RBBP6: variants seen among roughly 807,000 people sequenced by gnomAD.
RBBP6 encodes the protein E3 ubiquitin-protein ligase RBBP6.
A neutral mutation model predicts 167.7 loss-of-function variants in RBBP6; 25 were observed. The ratio of observed to expected loss-of-function variants is 0.15; its 90% CI spans 0.11 to 0.21. The LOEUF is 0.21. Ranked by LOEUF, RBBP6 falls within the 10% of genes least tolerant of loss-of-function variation. The pLI is 1.00. For synonymous variants in RBBP6, 789 were observed against 735.8 expected (o/e 1.07, Z -1.17); for missense variants, 1,868 against 2,134.2 (o/e 0.88, Z 2.46).
chr16:24,548,495 T>A (rs573391720), intron 2 of RBBP6, among the ~76,000 whole-genome samples: 24 of 152,186 alleles, frequency 1.6e-4, no homozygotes, highest in African/African-American at 5.8e-4. Flanking sequence ...GATTTGAAAA[T>A]TAGTTTTGGG....
chr16:24,562,269 G>T, intron 10 of RBBP6, 108 bp downstream of exon 10: 2 of 1,012,648 alleles, frequency 2.0e-6, no homozygotes, highest in Non-Finnish European at 2.9e-6. Context: ...ACTGTGCTCA[G>T]TAATGTGGGA....
intron 15 of RBBP6, 24 bp downstream of exon 15, chr16:24,567,529 T>G (rs1871121816): frequency 6.4e-7 from 1 of 1,562,342 alleles, no homozygotes; most frequent in South Asian, 1.2e-5. Context: ...TTTGAAATTA[T>G]TATACACTTT....
In RBBP6 at chr16:24,567,782, A is replaced by T. The variant is rs766925700; in HGVS notation, c.1953-10A>T. The T allele has an allele frequency of 6.3e-7, 1 of 1,589,862 alleles. No individual in the cohort carries two copies. Among genetic ancestry groups the T allele is most frequent in the South Asian group, 1.1e-5 (1 of 88,944 alleles). On this transcript the variant is annotated splice_polypyrimidine_tract_variant and intron_variant, in intron 15 of 17. Coordinates refer to ENST00000319715, the MANE Select transcript of RBBP6 (RefSeq NM_006910.5). Reference sequence around the variant, plus strand: ...TTGTTAACTTTCACTCTTTAACTTTATTTTACTAGGGAAAAGAAAAAGTCC... The same window carrying T: ...TTGTTAACTTTCACTCTTTAACTTTTTTTTACTAGGGAAAAGAAAAAGTCC...
At position 24,563,312 on chromosome 16, in the gene RBBP6, C is replaced by G. The variant is rs1567277555; in HGVS notation, c.1386+17C>G. 6.3e-7 allele frequency: 1 copy of G among 1,584,416 alleles called. No individual in the cohort carries two copies. The highest frequency in any genetic ancestry group is 2.3e-5 in the East Asian group (1 of 44,340). Reference sequence around the variant, plus strand: ...GAAGAGAAGGTAAATTTTACTGGTGCTTTAATTTGGGATTTTTTTTACAGC... The same window carrying G: ...GAAGAGAAGGTAAATTTTACTGGTGGTTTAATTTGGGATTTTTTTTACAGC... On this transcript the variant is annotated intron_variant, in intron 11 of 17. Transcript: ENST00000319715.
At position 24,540,674 on chromosome 16, in the gene RBBP6, C is replaced by T. The variant is rs745323709; in HGVS notation, c.48C>T (p.Thr16=). ...YKFSSKLNYD[T]VTFDGLHISL... is the part of the protein sequence containing the mutation. ...TTTCCTCTAAACTCAACTATGATACCGTCACCTTTGATGGGCTCCACATCT... is the reference window on the plus strand; with the variant it reads ...TTTCCTCTAAACTCAACTATGATACTGTCACCTTTGATGGGCTCCACATCT... The change falls in exon 1 of 18, where the codon ACC becomes ACT. Residue 16 remains threonine, a synonymous_variant. Transcript: ENST00000319715. 5 of 1,614,150 alleles carry T rather than the reference C, an allele frequency of 3.1e-6. No homozygotes were observed. In the Admixed American group the frequency reaches 6.7e-5, roughly 22 times the overall value.
At chr16:24,565,694 TC>T (rs1312985192) in intron 14 of RBBP6, among the ~76,000 whole-genome samples, 2 of 152,062 alleles carry the variant, frequency 1.3e-5, no homozygotes, top group Non-Finnish European at 2.9e-5. Context: ...ACAAAACAGC[TC>T]CCTGGTGCCA....
chr16:24,570,645 G>A, intron 17 of RBBP6, 146 bp downstream of exon 17: 1 of 873,642 alleles, frequency 1.1e-6, no homozygotes, highest in Non-Finnish European at 1.6e-6. Context: ...TGTCTTTGAA[G>A]AAGGGAATTG....
chr16:24,553,559 T>TATAC lies in RBBP6; in HGVS notation c.348+5_348+6insCATA. The TATAC allele has an allele frequency of 6.3e-6, 1 of 158,924 alleles. No homozygotes were observed. The highest frequency in any genetic ancestry group is 7.7e-6 in the Non-Finnish European group (1 of 129,500). 9.8% of individuals were successfully genotyped at this position (158,924 alleles called of 1,614,324 possible). ...ATTTCTCTGGCCCAGCTTACAAAGGTATATATATATATATATTCTTGAAAA... is the reference window on the plus strand; with the variant it reads ...ATTTCTCTGGCCCAGCTTACAAAGGTATACATATATATATATATATTCTTGAAAA... On this transcript the variant is annotated splice_region_variant and intron_variant, in intron 4 of 17. Transcript: ENST00000319715.
Position 24,570,104 on chromosome 16 carries a change from A to T in RBBP6, c.3414A>T (p.Lys1138Asn), listed in dbSNP as rs528071420. Residue 1138 changes from lysine to asparagine, a missense_variant, in exon 17 of 18, where the codon AAA becomes AAT. Lys to Asn is a moderately conservative substitution (Grantham distance 94). Coordinates refer to ENST00000319715, the MANE Select transcript of RBBP6 (RefSeq NM_006910.5). ...CCAAGAAGCCTAATGAGAAAAACAA[A>T]CCACTTGATAATAAGGGAGAAAAAA... ...EKAKKPNEKN[K>N]PLDNKGEKRK... 6.3e-7 allele frequency: 1 copy of T among 1,598,356 alleles called. No homozygotes were observed. The highest frequency in any genetic ancestry group is 1.1e-5 in the South Asian group (1 of 87,022).
In RBBP6 at chr16:24,556,318, T is replaced by G. The variant is rs1285420825; in HGVS notation, c.545T>G (p.Phe182Cys). 2.5e-6 allele frequency: 4 copies of G among 1,591,074 alleles called. No homozygotes were observed. The highest frequency in any genetic ancestry group is 1.7e-5 in the Admixed American group (1 of 59,724). Residue 182 changes from phenylalanine (F) to cysteine (C), a missense_variant, in exon 7 of 18, where the codon TTT becomes TGT. Physicochemically the swap from Phe to Cys is radical, Grantham distance 205. Around this residue, in one of 7 missense-constraint regions of RBBP6, gnomAD observed 184 missense variants for 327.7 expected, o/e 0.56. Coordinates refer to ENST00000319715, the MANE Select transcript of RBBP6 (RefSeq NM_006910.5). ...TTTTCCTCTGAATAGGATAAAAACTTTGAATCTGGTCCTAGGATTAAAAAG... is the reference window on the plus strand; with the variant it reads ...TTTTCCTCTGAATAGGATAAAAACTGTGAATCTGGTCCTAGGATTAAAAAG... ...KNCPTNGDKN[F>C]ESGPRIKKST... is the part of the protein sequence containing the mutation.
chr16:24,569,715 A>C lies in RBBP6; in HGVS notation c.3025A>C (p.Arg1009=). Residue 1009 remains arginine, a synonymous_variant, in exon 17 of 18, where the codon AGG becomes CGG. Transcript: ENST00000319715. The stretch of plus-strand genomic sequence containing the variant: ...AGTGTCTGAAAAAGACAAGAGAGAA[A>C]GGGATAAACCAAAAGCAAAGGGTGA... ...KSVSEKDKRE[R]DKPKAKGDKT... 1.2e-6 allele frequency: 2 copies of C among 1,614,140 alleles called. No homozygotes were observed. Among genetic ancestry groups the C allele is most frequent in the Non-Finnish European group, 8.5e-7 (1 of 1,180,034 alleles).
In RBBP6 at chr16:24,570,361, A is replaced by G; in HGVS notation, c.3671A>G (p.Asn1224Ser). ...ETGKKIGSTE[N>S]ISNTKEPSEK... ...GGGAAGAAAATTGGAAGTACAGAAA[A>G]TATATCAAACACAAAAGAACCCTCT... is the stretch of plus-strand genomic sequence containing the variant. Residue 1224 changes from asparagine (N) to serine (S), a missense_variant, in exon 17 of 18, where the codon AAT (asparagine) becomes AGT (serine). By Grantham distance (46) the Asn-to-Ser change is conservative. Around this residue, in one of 7 missense-constraint regions of RBBP6, gnomAD observed 673 missense variants for 691.5 expected, o/e 0.97. Coordinates refer to ENST00000319715, the MANE Select transcript of RBBP6 (RefSeq NM_006910.5). 6.2e-7 allele frequency: 1 copy of G among 1,613,214 alleles called. No individual in the cohort carries two copies. The highest frequency in any genetic ancestry group is 8.5e-7 in the Non-Finnish European group (1 of 1,179,836).
In RBBP6 at chr16:24,571,102, G is replaced by A; in HGVS notation, c.4036G>A (p.Ala1346Thr). 2 of 1,612,670 alleles carry A rather than the reference G, an allele frequency of 1.2e-6. No individual in the cohort carries two copies. Among genetic ancestry groups the A allele is most frequent in the South Asian group, 1.1e-5 (1 of 90,882 alleles). ...TQPISSVGKP[A>T]SVIKNVSTKP... ...GCCTATATCAAGTGTAGGAAAACCT[G>A]CTAGTGTTATAAAAAATGTTAGTAC... Residue 1346 changes from alanine (A) to threonine (T), a missense_variant, in exon 18 of 18, where the codon GCT becomes ACT. Ala to Thr is a moderately conservative substitution (Grantham distance 58). This residue lies in a region of RBBP6 where 591 missense variants were observed against 540.5 expected (regional missense o/e 1.09). Coordinates refer to ENST00000319715, the MANE Select transcript of RBBP6 (RefSeq NM_006910.5).
intron 7 of RBBP6, 46 bp from the exon 8 acceptor site, chr16:24,559,459 C>G: frequency 6.7e-7 from 1 of 1,485,816 alleles, no homozygotes; most frequent in Non-Finnish European, 9.2e-7. Context: ...AGCATGAGTA[C>G]TCTGCCTTCT....
intron 7 of RBBP6, among the ~76,000 whole-genome samples, chr16:24,557,615 T>C (rs1898945321): frequency 6.6e-6 from 1 of 152,102 alleles, no homozygotes; most frequent in South Asian, 2.1e-4. Flanking sequence ...AATTTTGATT[T>C]AGAAGTTATG....
chr16:24,541,768 TC>T (rs1444210175), intron 1 of RBBP6, among the ~76,000 whole-genome samples: 1 of 152,224 alleles, frequency 6.6e-6, no homozygotes, highest in African/African-American at 2.4e-5. Flanking sequence ...TTTTAGCAGT[TC>T]GGTGTTCTAA....
Position 24,563,391 on chromosome 16 carries a change from CTATT to C in RBBP6, c.1387-30_1387-27del, listed in dbSNP as rs750033392. On this transcript the variant is annotated intron_variant, in intron 11 of 17. Coordinates refer to ENST00000319715, the MANE Select transcript of RBBP6 (RefSeq NM_006910.5). Reference sequence around the variant, plus strand: ...ACCTCTTTTTTTTTTTTTTTTTTAACTATTTCTGTTTATTTGTGGTTGTTTCTAA... The same window carrying C: ...ACCTCTTTTTTTTTTTTTTTTTTAACTCTGTTTATTTGTGGTTGTTTCTAA... 9.2e-6 allele frequency: 10 copies of C among 1,086,214 alleles called. No homozygotes were observed. The South Asian group carries it at 1.3e-4, about 14-fold the overall frequency. The allele number at this position is 1,086,214 out of a possible 1,614,324, so 67.3% of individuals were successfully genotyped here.
intron 8 of RBBP6, 86 bp from the exon 9 acceptor site, chr16:24,561,526 C>A: frequency 1.7e-6 from 2 of 1,145,020 alleles, no homozygotes; most frequent in African/African-American, 1.6e-5. Context: ...TGTAACTGAA[C>A]AAATGTGGAC....
chr16:24,569,880 G>T lies in RBBP6; in HGVS notation c.3190G>T (p.Glu1064Ter). 6.2e-7 allele frequency: 1 copy of T among 1,610,710 alleles called. No homozygotes were observed. Among genetic ancestry groups the T allele is most frequent in the South Asian group, 1.1e-5 (1 of 90,154 alleles). Residue 1064 changes from glutamate to a stop codon, truncating the protein, a stop_gained, in exon 17 of 18, where the codon GAG (glutamate) becomes TAG (stop). Transcript: ENST00000319715. LOFTEE classifies it high-confidence loss of function. ...TGAACCTCCAATTAAAAAAGCCAAA[G>T]AGGAGACTCCGAAGACTGACAATAC... Reference protein sequence around the residue: ...RSEPPIKKAKEETPKTDNTKS... With the variant: ...RSEPPIKKAK
Sources: allele counts gnomAD v4.1 joint callset (sites outside exome capture counted in the v4.1 genomes callset), GRCh38; gene constraint gnomAD v4.1.1; regional missense constraint gnomAD v4.1.1; transcripts MANE v1.5; gene names NCBI Gene and HGNC (gene_info 2026-07-23, HGNC 2026-07-21).